Variants in TCF12 observed in about 807,000 individuals in gnomAD.
The protein encoded by TCF12 is transcription factor 12.
Under a neutral mutation model 86.0 loss-of-function variants are expected in TCF12, and 45 were observed. That is an observed-to-expected ratio of 0.52 (90% CI 0.41 to 0.67). TCF12 has a LOEUF of 0.67. Ranked by LOEUF, TCF12 falls within the 30% of genes least tolerant of loss-of-function variation. The pLI, the probability that TCF12 is intolerant of heterozygous loss-of-function variation, is 0.00. For synonymous variants in TCF12, 330 were observed against 299.6 expected (o/e 1.10, Z -1.05); for missense variants, 881 against 859.9 (o/e 1.02, Z -0.31).
intron 15 of TCF12, among the ~76,000 whole-genome samples, chr15:57,252,927 CTTTTTTTT>C (rs57946842): frequency 1.1e-5 from 1 of 89,772 alleles, no homozygotes; most frequent in Non-Finnish European, 2.3e-5. Context: ...ATAGGTTGTA[CTTTTTTTT>C]TTTTTTTTTT....
At chr15:57,069,751 CAAAG>C (rs1215037354) in intron 4 of TCF12, among the ~76,000 whole-genome samples, 3 of 152,016 alleles carry the variant, frequency 2.0e-5, no homozygotes, top group Admixed American at 2.0e-4. Context: ...CTTCCCAACT[CAAAG>C]AACTTTACGT....
chr15:57,101,726 A>G (rs1243434226), intron 5 of TCF12, among the ~76,000 whole-genome samples: 6 of 152,172 alleles, frequency 3.9e-5, no homozygotes, highest in Non-Finnish European at 8.8e-5. Flanking sequence ...TTCCACAGTC[A>G]TTCTTGTGTT....
intron 19 of TCF12, among the ~76,000 whole-genome samples, chr15:57,276,483 T>C (rs1280275222): frequency 6.6e-6 from 1 of 152,216 alleles, no homozygotes; most frequent in Non-Finnish European, 1.5e-5. Flanking sequence ...GTCGATGGAA[T>C]AGTGGTACTT....
chr15:57,046,334 A>G (rs185930138), intron 3 of TCF12, among the ~76,000 whole-genome samples: 1 of 152,350 alleles, frequency 6.6e-6, no homozygotes, highest in East Asian at 1.9e-4. Flanking sequence ...AGAGTTCACT[A>G]TATTCTACTT....
chr15:56,973,592 GCAACC>G (rs1371995303), intron 3 of TCF12, among the ~76,000 whole-genome samples: 1 of 152,034 alleles, frequency 6.6e-6, no homozygotes, highest in Non-Finnish European at 1.5e-5. Flanking sequence ...TCACCATTTG[GCAACC>G]ATTATGGTAA....
intron 6 of TCF12, among the ~76,000 whole-genome samples, chr15:57,168,821 G>A (rs1229181950): frequency 6.6e-6 from 1 of 152,118 alleles, no homozygotes; most frequent in Non-Finnish European, 1.5e-5. Context: ...CAAGGCGGGC[G>A]GATTGCCTGA....
intron 13 of TCF12, among the ~76,000 whole-genome samples, chr15:57,244,120 C>T (rs2151973537): frequency 6.6e-6 from 1 of 152,230 alleles, no homozygotes; most frequent in Non-Finnish European, 1.5e-5. Flanking sequence ...CTCAAGCAAT[C>T]CTCCCACCTT....
At position 56,919,924 on chromosome 15, in the gene TCF12, A is replaced by T. The variant is rs1286727750; in HGVS notation, c.11A>T (p.Gln4Leu). The part of the protein sequence containing the change: MNP[Q>L]QQRMAAIGTD... The stretch of plus-strand genomic sequence containing the variant: ...TAGAAGTGGCCGAAGATGAATCCCC[A>T]GCAACAACGCATGGCCGCTATAGGG... The change falls in exon 2 of 21, where the codon CAG (glutamine) becomes CTG (leucine). Residue 4 changes from glutamine (Q) to leucine (L), a missense_variant. Around this residue, in one of 3 missense-constraint regions of TCF12, gnomAD observed 766 missense variants for 718.9 expected, o/e 1.07. Coordinates refer to ENST00000333725, the MANE Select transcript of TCF12 (RefSeq NM_207037.2). 1.9e-6 allele frequency: 3 copies of T among 1,613,888 alleles called. No individual in the cohort carries two copies. The highest frequency in any genetic ancestry group is 1.7e-5 in the Admixed American group (1 of 60,008).
At chr15:57,018,799 TAAAACA>T (rs1298855492) in intron 3 of TCF12, among the ~76,000 whole-genome samples, 2 of 152,126 alleles carry the variant, frequency 1.3e-5, no homozygotes, top group Non-Finnish European at 2.9e-5. Flanking sequence ...TTTCTCAAAG[TAAAACA>T]AAAACAAAAG....
intron 3 of TCF12, among the ~76,000 whole-genome samples, chr15:57,002,798 G>A (rs533306876): frequency 6.6e-6 from 1 of 152,320 alleles, no homozygotes; most frequent in Admixed American, 6.5e-5. Context: ...CGCTTCTCAT[G>A]CTGTACTACT....
Position 56,927,455 on chromosome 15 carries a change from T to A in TCF12, c.148+6357T>A, listed in dbSNP as rs183879096. Among the ~76,000 whole-genome samples the A allele has an allele frequency of 1.1e-4, 17 of 152,354 alleles. No individual in the cohort carries two copies. The East Asian group carries it at 3.3e-3, about 29-fold the overall frequency. On this transcript the variant is annotated intron_variant, in intron 3 of 20. Coordinates refer to ENST00000333725, the MANE Select transcript of TCF12 (RefSeq NM_207037.2). ...TGGTAACTTAATGTTAGTTCATTTA[T>A]GTCCTGTTTTTTGTTTCACTTAATC...
intron 6 of TCF12, among the ~76,000 whole-genome samples, chr15:57,178,182 A>T (rs1256815482): frequency 6.6e-6 from 1 of 152,196 alleles, no homozygotes; most frequent in Non-Finnish European, 1.5e-5. Context: ...GGGGTAGGAG[A>T]TGGCAGAACA....
intron 12 of TCF12, 22 bp downstream of exon 12, chr15:57,234,129 T>G (rs372053918): frequency 3.1e-6 from 5 of 1,599,158 alleles, no homozygotes; most frequent in Non-Finnish European, 4.3e-6. Context: ...TTTTACACAT[T>G]CTACTGAATG....
At chr15:57,025,408 T>C (rs750743512) in intron 3 of TCF12, among the ~76,000 whole-genome samples, 8 of 152,164 alleles carry the variant, frequency 5.3e-5, no homozygotes, top group Non-Finnish European at 1.2e-4. Flanking sequence ...ATCACATTTA[T>C]TGAGGTTTCT....
chr15:57,265,433 C>T (rs2060816519), intron 18 of TCF12, among the ~76,000 whole-genome samples: 1 of 152,070 alleles, frequency 6.6e-6, no homozygotes, highest in South Asian at 2.1e-4. Context: ...GGCATCCCGT[C>T]CAGGATTGTT....
chr15:57,197,298 A>C (rs1355072790), intron 7 of TCF12, among the ~76,000 whole-genome samples: 2 of 151,472 alleles, frequency 1.3e-5, no homozygotes, highest in African/African-American at 4.8e-5. Context: ...CTGGGATTAC[A>C]GGCGCCCGCC....
chr15:57,130,343 T>C (rs1390265025), intron 5 of TCF12, among the ~76,000 whole-genome samples: 3 of 151,328 alleles, frequency 2.0e-5, no homozygotes, highest in Non-Finnish European at 4.4e-5. Flanking sequence ...TTGACCATTT[T>C]GATTTTTTTT....
intron 8 of TCF12, among the ~76,000 whole-genome samples, chr15:57,226,362 A>C (rs2058879263): frequency 6.6e-6 from 1 of 152,242 alleles, no homozygotes; most frequent in Non-Finnish European, 1.5e-5. Flanking sequence ...TGGCAGGGCA[A>C]GTTAGCCAAA....
chr15:57,234,412 C>T (rs766415419), intron 12 of TCF12, among the ~76,000 whole-genome samples: 51 of 152,096 alleles, frequency 3.4e-4, no homozygotes, highest in Non-Finnish European at 5.4e-4. Context: ...AGTGGAACCA[C>T]GAAAGATAAC....
Sources: allele counts gnomAD v4.1 joint callset (sites outside exome capture counted in the v4.1 genomes callset), GRCh38; gene constraint gnomAD v4.1.1; regional missense constraint gnomAD v4.1.1; transcripts MANE v1.5; gene names NCBI Gene and HGNC (gene_info 2026-07-23, HGNC 2026-07-21).